ANKHD1: variants seen among roughly 807,000 people sequenced by gnomAD.
ANKHD1 encodes ankyrin repeat and KH domain containing 1.
ANKHD1 carries 31 observed loss-of-function variants against 230.5 expected under a neutral mutation model. That is an observed-to-expected ratio of 0.13 (90% CI 0.10 to 0.18). The LOEUF (loss-of-function observed/expected upper bound fraction) is 0.18, where lower values mean the gene tolerates loss of function less well. ANKHD1 is among the 10% of genes least tolerant of loss of function. ANKHD1 has a pLI of 1.00. For missense variants in ANKHD1, 2,256 were observed against 3,071.3 expected, an observed-to-expected ratio of 0.73 and a Z score of 6.27; for synonymous variants, 1,074 against 1,117.6, an observed-to-expected ratio of 0.96 and a Z score of 0.78.
In ANKHD1 at chr5:140,507,739, T is replaced by C. The variant is rs1464345960; in HGVS notation, c.3552-46T>C. On this transcript the variant is annotated intron_variant, in intron 19 of 33. Coordinates refer to ENST00000360839, the MANE Select transcript of ANKHD1 (RefSeq NM_017747.3). This position sits in a 1 kb window ranked among gnomAD's most constrained non-coding sequence, Gnocchi z 4.1. ...CATCTTTAATGCTTTTCTAAAATAA[T>C]AGGCAACATATTATTTTAATTTTCT... 1.3e-6 allele frequency: 2 copies of C among 1,593,296 alleles called. No individual in the cohort carries two copies. The highest frequency in any genetic ancestry group is 1.7e-6 in the Non-Finnish European group (2 of 1,167,074).
chr5:140,449,112 A>G, intron 6 of ANKHD1, 99 bp from the exon 7 acceptor site: 10 of 1,247,488 alleles, frequency 8.0e-6, no homozygotes, highest in Non-Finnish European at 1.1e-5. Context: ...AAGTTATCAA[A>G]TTCTTGTATA....
chr5:140,464,623 A>G (rs752438690), intron 9 of ANKHD1, 44 bp from the exon 10 acceptor site: 4 of 1,476,160 alleles, frequency 2.7e-6, no homozygotes, highest in South Asian at 1.4e-5. Context: ...ATCTAATACA[A>G]TTTTACAGTT....
chr5:140,487,141 G>C, intron 14 of ANKHD1, 81 bp downstream of exon 14: 1 of 1,402,076 alleles, frequency 7.1e-7, no homozygotes, highest in Non-Finnish European at 9.5e-7. Flanking sequence ...TAATGATACA[G>C]AGTTACTGTG....
intron 30 of ANKHD1, among the ~76,000 whole-genome samples, chr5:140,536,835 C>G (rs972964400): frequency 9.9e-5 from 15 of 152,038 alleles, no homozygotes; most frequent in Non-Finnish European, 1.6e-4. Flanking sequence ...ACCAGCCTGA[C>G]CAACATGGAG....
chr5:140,519,748 C>T (rs1209190185), intron 24 of ANKHD1, among the ~76,000 whole-genome samples: 2 of 152,106 alleles, frequency 1.3e-5, no homozygotes, highest in African/African-American at 2.4e-5. Context: ...AAACTGGATC[C>T]CTTCCTTACA....
intron 1 of ANKHD1, among the ~76,000 whole-genome samples, chr5:140,403,223 C>T (rs1041408572): frequency 2.6e-4 from 40 of 152,020 alleles, no homozygotes; most frequent in African/African-American, 9.4e-4. Flanking sequence ...CCCGCCTCGG[C>T]CTCCCAAAGT....
chr5:140,419,822 CTTTCTTTCTTTCT>C (rs1413117399), intron 1 of ANKHD1, among the ~76,000 whole-genome samples: 2 of 98,808 alleles, frequency 2.0e-5, no homozygotes, highest in African/African-American at 7.1e-5. Flanking sequence ...TTCTTTCTTT[CTTTCTTTCTTTCT>C]TTTTCTTTCT....
chr5:140,427,829 A>G (rs1772648848), intron 1 of ANKHD1, among the ~76,000 whole-genome samples: 2 of 149,826 alleles, frequency 1.3e-5, no homozygotes, highest in African/African-American at 2.5e-5. Context: ...GACGTTCCTC[A>G]CTTCCCAGAC....
chr5:140,419,690 A>C (rs1257375974), intron 1 of ANKHD1, among the ~76,000 whole-genome samples: 2 of 141,310 alleles, frequency 1.4e-5, no homozygotes, highest in Non-Finnish European at 3.1e-5. Context: ...GAGGTCTTGA[A>C]CTCCTAAGCT....
At chr5:140,511,497 A>G (rs75228225) in intron 22 of ANKHD1, among the ~76,000 whole-genome samples, 4,100 of 152,270 alleles carry the variant, frequency 0.027, 200 homozygotes, top group African/African-American at 0.095. Flanking sequence ...CAAATCTGAA[A>G]AAGGTCCCTC....
At chr5:140,515,542 T>C (rs531899424) in intron 24 of ANKHD1, among the ~76,000 whole-genome samples, 1 of 152,250 alleles carries the variant, frequency 6.6e-6, no homozygotes, top group East Asian at 1.9e-4. Context: ...TGCATTTCCA[T>C]CTGAGCTTTG....
intron 30 of ANKHD1, 153 bp from the exon 31 acceptor site, chr5:140,537,236 T>G (rs1350215019): frequency 7.5e-7 from 1 of 1,325,994 alleles, no homozygotes; most frequent in East Asian, 2.7e-5. Context: ...AAAATTTTCT[T>G]TACAGAACTT....
In ANKHD1 at chr5:140,469,508, AAAAC is replaced by A. The variant is rs914979967; in HGVS notation, c.1782+4748_1782+4751del. 7.9e-5 allele frequency among the ~76,000 whole-genome samples: 12 copies of A among 152,194 alleles called. 1 individual carries two copies. Among genetic ancestry groups the A allele is most frequent in the South Asian group, 2.1e-4 (1 of 4,822 alleles). On this transcript the variant is annotated intron_variant, in intron 10 of 33. Coordinates refer to ENST00000360839, the MANE Select transcript of ANKHD1 (RefSeq NM_017747.3). The stretch of plus-strand genomic sequence containing the variant: ...GGCAATAGAGGGAGACCCTATCTCA[AAAAC>A]AAACAAACAAACAAAAAAAACTTAC...
intron 10 of ANKHD1, among the ~76,000 whole-genome samples, chr5:140,480,996 T>A (rs1408610691): frequency 6.6e-6 from 1 of 152,054 alleles, no homozygotes; most frequent in Non-Finnish European, 1.5e-5. Context: ...GTCAGGAAGT[T>A]CAGGGAGGTC....
At chr5:140,495,860 G>A (rs1752009584) in intron 14 of ANKHD1, among the ~76,000 whole-genome samples, 1 of 152,114 alleles carries the variant, frequency 6.6e-6, no homozygotes, top group Admixed American at 6.5e-5. Flanking sequence ...AATGCAAGTT[G>A]TCCTTTGCAT....
intron 15 of ANKHD1, among the ~76,000 whole-genome samples, chr5:140,498,983 A>G (rs1436330718): frequency 6.6e-6 from 1 of 152,046 alleles, no homozygotes; most frequent in Non-Finnish European, 1.5e-5. Context: ...AAACTTAGAA[A>G]ATTGGCTTAG....
intron 7 of ANKHD1, among the ~76,000 whole-genome samples, chr5:140,449,777 A>G (rs1774567555): frequency 6.6e-6 from 1 of 152,202 alleles, no homozygotes; most frequent in Admixed American, 6.5e-5. Context: ...CAGTCAAAGT[A>G]TTTGGCCTTA....
intron 1 of ANKHD1, among the ~76,000 whole-genome samples, chr5:140,424,111 T>TA (rs1404976648): frequency 6.6e-6 from 1 of 152,168 alleles, no homozygotes; most frequent in Non-Finnish European, 1.5e-5. Context: ...ATTCTAGCCA[T>TA]ACTAAATTGC....
intron 10 of ANKHD1, chr5:140,472,241 C>A (rs749811649): frequency 1.9e-6 from 3 of 1,611,794 alleles, no homozygotes; most frequent in African/African-American, 1.3e-5. Flanking sequence ...TTTCGCAGGA[C>A]AAGCAGGAGG....
Sources: gnomAD v4.1 joint callset for allele counts (sites outside exome capture counted in the v4.1 genomes callset) on GRCh38, gnomAD v4.1.1 for gene constraint, Gnocchi (gnomAD v3.1) non-coding constraint, MANE v1.5 for transcripts, NCBI Gene and HGNC (gene_info 2026-07-23, HGNC 2026-07-21) for gene names.